Variants in ITSN1 observed in about 807,000 individuals in gnomAD.
The protein encoded by ITSN1 is intersectin 1, also known as intersectin-1.
ITSN1 carries 58 observed loss-of-function variants against 239.8 expected under a neutral mutation model. That is an observed-to-expected ratio of 0.24 (90% CI 0.20 to 0.30). ITSN1 has a LOEUF of 0.30. Among genes scored for constraint, ITSN1 ranks in the 10% least tolerant of loss-of-function variants. The pLI is 1.00. For synonymous variants in ITSN1, 780 were observed against 770.8 expected (o/e 1.01, Z -0.20); for missense variants, 1,558 against 2,103.3 (o/e 0.74, Z 5.07).
chr21:33,849,721 T>C (rs1332679178), intron 29 of ITSN1, among the ~76,000 whole-genome samples: 1 of 152,220 alleles, frequency 6.6e-6, no homozygotes, highest in East Asian at 1.9e-4. Context: ...CCCATTCTTA[T>C]GATGTGATTA....
At chr21:33,883,342 C>T (rs921548302) in intron 35 of ITSN1, among the ~76,000 whole-genome samples, 2 of 152,204 alleles carry the variant, frequency 1.3e-5, no homozygotes, top group African/African-American at 4.8e-5. Context: ...CACACACGCC[C>T]TTAGTCTGGT....
chr21:33,779,958 G>A (rs527706272), intron 14 of ITSN1, among the ~76,000 whole-genome samples: 14 of 151,914 alleles, frequency 9.2e-5, no homozygotes, highest in Admixed American at 4.6e-4. Context: ...CAGCCTCCCC[G>A]GTAGCAGGGA....
chr21:33,851,745 T>C (rs1357147974), intron 29 of ITSN1, among the ~76,000 whole-genome samples: 2 of 146,952 alleles, frequency 1.4e-5, no homozygotes, highest in African/African-American at 2.5e-5. Context: ...TTTTTTTTTT[T>C]CTCGTTTTTT....
intron 1 of ITSN1, among the ~76,000 whole-genome samples, chr21:33,696,629 G>T (rs962738046): frequency 6.6e-6 from 1 of 152,042 alleles, no homozygotes; most frequent in Admixed American, 6.6e-5. Context: ...CCGTCTTTCA[G>T]CCCATATTTA....
At chr21:33,871,381 G>A (rs2148518215) in intron 33 of ITSN1, among the ~76,000 whole-genome samples, 1 of 151,760 alleles carries the variant, frequency 6.6e-6, no homozygotes, top group African/African-American at 2.4e-5. Flanking sequence ...AAAGAGCTAT[G>A]ATTGAGTCAC....
chr21:33,876,113 CTTTCTTTCT>C (rs1983739934), intron 34 of ITSN1, among the ~76,000 whole-genome samples: 2 of 79,250 alleles, frequency 2.5e-5, no homozygotes, highest in Admixed American at 1.2e-4. Context: ...TTCTTTCTTT[CTTTCTTTCT>C]TTCTTTCTTT....
chr21:33,689,257 T>C (rs2091395578), intron 1 of ITSN1: 1 of 152,250 alleles, frequency 6.6e-6, no homozygotes, highest in South Asian at 2.1e-4. Context: ...TTCTTTTCAA[T>C]TTTGAACTTG....
intron 29 of ITSN1, among the ~76,000 whole-genome samples, chr21:33,839,678 C>T (rs769519941): frequency 1.3e-5 from 2 of 152,328 alleles, no homozygotes; most frequent in East Asian, 3.9e-4. Flanking sequence ...CTCCATAACA[C>T]TCTACCTAAT....
intron 16 of ITSN1, among the ~76,000 whole-genome samples, chr21:33,792,291 G>A (rs1325822436): frequency 1.3e-5 from 2 of 152,072 alleles, no homozygotes; most frequent in African/African-American, 2.4e-5. Flanking sequence ...TGCAAGCTCC[G>A]CCTCCTGGGT....
intron 33 of ITSN1, 128 bp downstream of exon 33, chr21:33,867,459 G>A (rs544351602): frequency 1.5e-6 from 1 of 650,320 alleles, no homozygotes; most frequent in Non-Finnish European, 2.8e-6. Flanking sequence ...AGACAACAAG[G>A]TGTCACAGAG....
intron 1 of ITSN1, among the ~76,000 whole-genome samples, chr21:33,686,238 ATTTT>A (rs556853826): frequency 6.7e-6 from 1 of 148,910 alleles, no homozygotes; most frequent in Admixed American, 6.7e-5. Flanking sequence ...CTGTGATTAG[ATTTT>A]TTTTTTTAAT....
At chr21:33,656,797 G>A (rs956233897) in intron 1 of ITSN1, among the ~76,000 whole-genome samples, 4 of 152,070 alleles carry the variant, frequency 2.6e-5, no homozygotes, top group Non-Finnish European at 1.5e-5. Flanking sequence ...TGCAACCTCC[G>A]CCTACCAGGT....
intron 29 of ITSN1, among the ~76,000 whole-genome samples, chr21:33,839,853 G>T (rs568552889): frequency 6.2e-4 from 94 of 152,302 alleles, no homozygotes; most frequent in Non-Finnish European, 1.1e-3. Context: ...TCAGCCAGTG[G>T]GAGTGCTGCT....
chr21:33,781,595 T>C, intron 15 of ITSN1, 47 bp downstream of exon 15: 1 of 1,118,654 alleles, frequency 8.9e-7, no homozygotes, highest in East Asian at 2.6e-5. Flanking sequence ...TTCTTTCTTT[T>C]TTTGACATGG....
chr21:33,810,530 T>A (rs1037225119), intron 20 of ITSN1, among the ~76,000 whole-genome samples: 4 of 152,214 alleles, frequency 2.6e-5, no homozygotes, highest in Non-Finnish European at 4.4e-5. Context: ...GAATAAATAC[T>A]ACTTAGTTAT....
intron 16 of ITSN1, among the ~76,000 whole-genome samples, chr21:33,782,798 G>A (rs1407232341): frequency 1.3e-5 from 2 of 152,144 alleles, no homozygotes; most frequent in Non-Finnish European, 1.5e-5. Flanking sequence ...GGCCGAGGCA[G>A]GCGGATCATG....
At chr21:33,856,661 C>G (rs75677548) in intron 29 of ITSN1, 75 bp from the exon 30 acceptor site, 2 of 1,600,546 alleles carry the variant, frequency 1.2e-6, no homozygotes, top group African/African-American at 2.7e-5. Context: ...CCAGCAGCCA[C>G]GAGGATCTTC....
chr21:33,665,412 T>C (rs541986795), intron 1 of ITSN1, among the ~76,000 whole-genome samples: 1 of 152,038 alleles, frequency 6.6e-6, no homozygotes, highest in African/African-American at 2.4e-5. Context: ...ATTAGGGAAA[T>C]GGAAATCAAA....
intron 5 of ITSN1, among the ~76,000 whole-genome samples, chr21:33,747,981 T>C (rs1601980092): frequency 6.6e-6 from 1 of 152,156 alleles, no homozygotes; most frequent in Non-Finnish European, 1.5e-5. Flanking sequence ...TTAAAAGATA[T>C]AAGATTGTAT....
Sources: allele counts gnomAD v4.1 joint callset (sites outside exome capture counted in the v4.1 genomes callset), GRCh38; gene constraint gnomAD v4.1.1; transcripts MANE v1.5; gene names NCBI Gene and HGNC (gene_info 2026-07-23, HGNC 2026-07-21).